The following FARS2 variants were observed in gnomAD, a reference collection of about 807,000 sequenced individuals.
FARS2 encodes phenylalanine--tRNA ligase, mitochondrial.
Under a neutral mutation model 46.4 loss-of-function variants are expected in FARS2, and 40 were observed. The ratio of observed to expected loss-of-function variants is 0.86; its 90% confidence interval spans 0.67 to 1.12. The LOEUF is 1.12. Ranked by LOEUF, FARS2 falls within the 50% of genes most tolerant of loss-of-function variation. The pLI is 0.00. For missense variants in FARS2, 513 were observed against 567.9 expected (o/e 0.90, Z 0.98); for synonymous variants, 234 against 214.9 (o/e 1.09, Z -0.78).
chr6:5,296,938 C>A (rs1257752595), intron 1 of FARS2, among the ~76,000 whole-genome samples: 1 of 152,118 alleles, frequency 6.6e-6, no homozygotes, highest in Non-Finnish European at 1.5e-5. Flanking sequence ...GGGTACAGAC[C>A]CAAACGTGGA....
At chr6:5,710,214 T>C (rs1191551196) in intron 6 of FARS2, among the ~76,000 whole-genome samples, 4 of 152,154 alleles carry the variant, frequency 2.6e-5, no homozygotes, top group Non-Finnish European at 5.9e-5. Context: ...TAGAGACAGA[T>C]GAGCGCCGCT....
chr6:5,434,745 C>G (rs1425926218), intron 4 of FARS2, among the ~76,000 whole-genome samples: 1 of 151,942 alleles, frequency 6.6e-6, no homozygotes, highest in Admixed American at 6.5e-5. Flanking sequence ...TATTTGCTCC[C>G]CTGCTCTCCC....
At chr6:5,700,219 T>C (rs928979045) in intron 6 of FARS2, among the ~76,000 whole-genome samples, 12 of 152,182 alleles carry the variant, frequency 7.9e-5, no homozygotes, top group South Asian at 2.1e-4. Context: ...TCCTTATTAG[T>C]AAAATGTAAG....
chr6:5,341,235 A>ATATATATTTTT (rs1561970178), intron 1 of FARS2, among the ~76,000 whole-genome samples: 2 of 10,272 alleles, frequency 1.9e-4, no homozygotes, highest in Non-Finnish European at 4.0e-4. Context: ...ATATATATAT[A>ATATATATTTTT]TTTTTTTTTT....
At chr6:5,691,289 G>C (rs983734015) in intron 6 of FARS2, among the ~76,000 whole-genome samples, 1 of 152,090 alleles carries the variant, frequency 6.6e-6, no homozygotes, top group African/African-American at 2.4e-5. Context: ...TTCCAGTTTT[G>C]CTGCTCTGTT....
chr6:5,325,005 A>G (rs1262134716), intron 1 of FARS2, among the ~76,000 whole-genome samples: 4 of 152,180 alleles, frequency 2.6e-5, no homozygotes, highest in East Asian at 1.9e-4. Context: ...TATGTACCTC[A>G]TGGTGGCAGA....
chr6:5,742,740 A>G (rs1228114074), intron 6 of FARS2, among the ~76,000 whole-genome samples: 1 of 152,134 alleles, frequency 6.6e-6, no homozygotes, highest in African/African-American at 2.4e-5. Flanking sequence ...GCAAACAAGG[A>G]AAAATCATCA....
chr6:5,516,048 TC>T (rs1285047314), intron 4 of FARS2, among the ~76,000 whole-genome samples: 1 of 152,182 alleles, frequency 6.6e-6, no homozygotes, highest in East Asian at 1.9e-4. Flanking sequence ...TATGTCTTGT[TC>T]TTGCAAATGC....
intron 5 of FARS2, among the ~76,000 whole-genome samples, chr6:5,563,083 G>A (rs926389060): frequency 7.2e-6 from 1 of 138,506 alleles, no homozygotes; most frequent in Non-Finnish European, 1.5e-5. Flanking sequence ...TACAGAGACA[G>A]AGGGAGGGGG....
chr6:5,647,813 C>T (rs1162198353), intron 6 of FARS2, among the ~76,000 whole-genome samples: 1 of 152,208 alleles, frequency 6.6e-6, no homozygotes, highest in Non-Finnish European at 1.5e-5. Context: ...GTGACCCAAA[C>T]CGCTTTCTAA....
intron 6 of FARS2, among the ~76,000 whole-genome samples, chr6:5,629,021 A>G (rs1014121969): frequency 2.0e-5 from 3 of 152,224 alleles, no homozygotes; most frequent in Non-Finnish European, 4.4e-5. Context: ...CCATTTCAGT[A>G]TGAACTGAAA....
chr6:5,346,976 C>T (rs1400368982), intron 1 of FARS2, among the ~76,000 whole-genome samples: 1 of 150,386 alleles, frequency 6.6e-6, no homozygotes, highest in Non-Finnish European at 1.5e-5. Flanking sequence ...TGCAGTGTTA[C>T]AATCTTGGCA....
intron 6 of FARS2, among the ~76,000 whole-genome samples, chr6:5,719,410 AAG>A (rs1759729415): frequency 6.7e-6 from 1 of 150,354 alleles, no homozygotes. Flanking sequence ...AAAAAAAAAA[AAG>A]GAAGAAGAAA....
intron 6 of FARS2, among the ~76,000 whole-genome samples, chr6:5,692,624 G>C (rs1052805100): frequency 5.3e-4 from 80 of 152,262 alleles, no homozygotes; most frequent in Non-Finnish European, 4.7e-4. Context: ...ACTGCTTAAT[G>C]GTTAAAAATC....
At chr6:5,333,271 C>T (rs1770926316) in intron 1 of FARS2, among the ~76,000 whole-genome samples, 1 of 152,206 alleles carries the variant, frequency 6.6e-6, no homozygotes, top group Non-Finnish European at 1.5e-5. Context: ...CCTCTAGCTT[C>T]ATACCTATCC....
At chr6:5,284,013 A>T (rs1011064075) in intron 1 of FARS2, among the ~76,000 whole-genome samples, 1 of 152,236 alleles carries the variant, frequency 6.6e-6, no homozygotes, top group Non-Finnish European at 1.5e-5. Flanking sequence ...ATCTTCTACA[A>T]AGGTTTTTAC....
intron 3 of FARS2, among the ~76,000 whole-genome samples, chr6:5,424,953 T>G (rs1762766180): frequency 6.6e-6 from 1 of 152,206 alleles, no homozygotes; most frequent in Non-Finnish European, 1.5e-5. Flanking sequence ...TTATCGAGGA[T>G]GATCCCAGCT....
chr6:5,491,881 A>G (rs917347147), intron 4 of FARS2, among the ~76,000 whole-genome samples: 1 of 151,988 alleles, frequency 6.6e-6, no homozygotes, highest in African/African-American at 2.4e-5. Context: ...GAATTTTCAT[A>G]ACACCTACCT....
At chr6:5,466,966 G>A in intron 4 of FARS2, 1 of 985,420 alleles carries the variant, frequency 1.0e-6, no homozygotes, top group Admixed American at 6.1e-5. Context: ...GGAATGATAA[G>A]AGGCACATAT....
Sources: gnomAD v4.1 joint callset for allele counts (sites outside exome capture counted in the v4.1 genomes callset) on GRCh38, gnomAD v4.1.1 for gene constraint, MANE v1.5 for transcripts, NCBI Gene and HGNC (gene_info 2026-07-23, HGNC 2026-07-21) for gene names.